Variants in HOMER2 observed in about 807,000 individuals in gnomAD.
HOMER2 encodes the protein homer scaffold protein 2.
HOMER2 carries 27 observed loss-of-function variants against 47.0 expected under a neutral mutation model. That is an observed-to-expected ratio of 0.57 (90% confidence interval 0.42 to 0.79). The LOEUF (loss-of-function observed/expected upper bound fraction) is 0.79. Ranked by LOEUF, HOMER2 falls within the 30% of genes least tolerant of loss-of-function variation. The pLI is 0.00. For missense variants in HOMER2, 443 were observed against 435.0 expected (o/e 1.02, Z -0.16); for synonymous variants, 161 against 163.8 (o/e 0.98, Z 0.13).
At chr15:82,891,823 T>G (rs2251275) in intron 2 of HOMER2, among the ~76,000 whole-genome samples, 58,898 of 151,990 alleles carry the variant, frequency 0.39, 11,861 homozygotes, top group East Asian at 0.61. Context: ...GGACTCTATG[T>G]TTCGCTTTAT....
intron 6 of HOMER2, chr15:82,852,513 C>T (rs1596301508): frequency 2.6e-6 from 1 of 377,640 alleles, no homozygotes; most frequent in Non-Finnish European, 4.7e-6. Context: ...ATAAAGCCTG[C>T]CTTCAAGATG....
chr15:82,857,003 T>TG (rs1405661740), intron 5 of HOMER2, among the ~76,000 whole-genome samples: 2 of 151,990 alleles, frequency 1.3e-5, no homozygotes, highest in Admixed American at 6.6e-5. Flanking sequence ...ATCTGTAAAA[T>TG]GGGGGGAAGT....
chr15:82,939,961 G>A (rs537149131), intron 1 of HOMER2, among the ~76,000 whole-genome samples: 3 of 152,144 alleles, frequency 2.0e-5, no homozygotes, highest in East Asian at 1.9e-4. Context: ...GCAAACTGTC[G>A]CAAGGACAGA....
intron 1 of HOMER2, chr15:82,951,922 T>C (rs1334011502): frequency 1.2e-5 from 4 of 347,596 alleles, no homozygotes; most frequent in Non-Finnish European, 1.6e-5. Context: ...AATTACTTTA[T>C]ATACTCAGAA....
In HOMER2 at chr15:82,906,192, T is replaced by C. The variant is rs551091384; in HGVS notation, c.6-13351A>G. Among the ~76,000 whole-genome samples, 14 of 152,174 alleles carry C rather than the reference T, an allele frequency of 9.2e-5. No individual in the cohort carries two copies. In the East Asian group the frequency reaches 2.5e-3, roughly 27 times the overall value. ...CGTAAAAAAAGAAGTATAATTGATA[T>C]GCTAAGAAAGGAGAAGAAATAGAAT... On this transcript the variant is annotated intron_variant, in intron 1 of 8. Coordinates refer to ENST00000450735, the MANE Select transcript of HOMER2 (RefSeq NM_004839.4).
chr15:82,862,517 T>A (rs2051827682), intron 4 of HOMER2, among the ~76,000 whole-genome samples: 1 of 152,166 alleles, frequency 6.6e-6, no homozygotes, highest in South Asian at 2.1e-4. Context: ...ATATTAAACT[T>A]AAATATATCA....
intron 2 of HOMER2, among the ~76,000 whole-genome samples, chr15:82,890,904 G>C (rs1451507638): frequency 6.6e-6 from 1 of 152,086 alleles, no homozygotes; most frequent in Non-Finnish European, 1.5e-5. Context: ...GAGAGAAACG[G>C]TAATTACAAC....
intron 1 of HOMER2, among the ~76,000 whole-genome samples, chr15:82,965,834 C>A (rs1169987295): frequency 6.6e-6 from 1 of 151,850 alleles, no homozygotes; most frequent in South Asian, 2.1e-4. Context: ...GTAGCTCAGG[C>A]CTGTAATTCC....
intron 2 of HOMER2, among the ~76,000 whole-genome samples, chr15:82,891,982 A>AT (rs540273697): frequency 0.01 from 1,447 of 143,386 alleles, 9 homozygotes; most frequent in Admixed American, 0.014. Flanking sequence ...CAGCAGGTCT[A>AT]TTTTTTTTTT....
intron 5 of HOMER2, 31 bp from the exon 6 acceptor site, chr15:82,854,831 G>T (rs1272993891): frequency 1.3e-6 from 2 of 1,595,148 alleles, no homozygotes; most frequent in South Asian, 2.2e-5. Flanking sequence ...GTGACGACGG[G>T]GTGGGTGCTG....
At chr15:82,923,238 C>T (rs1404159610) in intron 1 of HOMER2, among the ~76,000 whole-genome samples, 2 of 152,088 alleles carry the variant, frequency 1.3e-5, no homozygotes, top group Non-Finnish European at 1.5e-5. Context: ...ATAATCCCAA[C>T]ACTTTGGGAG....
chr15:82,941,881 T>C (rs2054275388), intron 1 of HOMER2, among the ~76,000 whole-genome samples: 1 of 152,142 alleles, frequency 6.6e-6, no homozygotes, highest in Non-Finnish European at 1.5e-5. Flanking sequence ...TATAATACTA[T>C]TATTATTCTC....
chr15:82,896,295 G>A (rs2052915398), intron 1 of HOMER2, among the ~76,000 whole-genome samples: 1 of 152,124 alleles, frequency 6.6e-6, no homozygotes, highest in South Asian at 2.1e-4. Flanking sequence ...AGAGATGGAG[G>A]GGAAGGCACA....
exon 2 of HOMER2, chr15:82,958,678 AT>A (rs2054605636): frequency 6.6e-6 from 1 of 152,284 alleles, no homozygotes; most frequent in African/African-American, 2.4e-5. Context: ...AAATGTCTTA[AT>A]CAGCCCCCAG....
chr15:82,858,885 C>T, intron 5 of HOMER2, 144 bp downstream of exon 5: 1 of 934,862 alleles, frequency 1.1e-6, no homozygotes, highest in East Asian at 2.7e-5. Context: ...AGCTGGCCTT[C>T]CTTTCACCAG....
At chr15:82,927,973 C>CAAAAAA (rs928406358) in intron 1 of HOMER2, among the ~76,000 whole-genome samples, 1 of 57,324 alleles carries the variant, frequency 1.7e-5, no homozygotes, top group Non-Finnish European at 4.3e-5. Flanking sequence ...AACTCCGTCT[C>CAAAAAA]AAAAAAAAAA....
At chr15:82,897,353 T>C (rs8036957) in intron 1 of HOMER2, among the ~76,000 whole-genome samples, 93,809 of 151,930 alleles carry the variant, frequency 0.62, 29,398 homozygotes, top group African/African-American at 0.72. Context: ...CTTGAGCCAC[T>C]GCACCCAGCA....
intron 2 of HOMER2, among the ~76,000 whole-genome samples, chr15:82,878,015 C>T (rs1037083577): frequency 1.3e-5 from 2 of 152,154 alleles, no homozygotes; most frequent in Non-Finnish European, 2.9e-5. Flanking sequence ...GGATGGATCA[C>T]GTGACCCCAG....
At chr15:82,968,093 A>T (rs1354901798) in intron 1 of HOMER2, among the ~76,000 whole-genome samples, 1 of 152,192 alleles carries the variant, frequency 6.6e-6, no homozygotes, top group Admixed American at 6.5e-5. Context: ...GTAGAGGTAG[A>T]GTCTCACTGT....
Sources: gnomAD v4.1 joint callset for allele counts (sites outside exome capture counted in the v4.1 genomes callset) on GRCh38, gnomAD v4.1.1 for gene constraint, MANE v1.5 for transcripts, NCBI Gene and HGNC (gene_info 2026-07-23, HGNC 2026-07-21) for gene names.